Variants in MSRB3 observed in about 807,000 individuals in gnomAD.
MSRB3 encodes methionine sulfoxide reductase B3.
A neutral mutation model predicts 21.0 loss-of-function variants in MSRB3; 13 were observed. That is an observed-to-expected ratio of 0.62 (90% CI 0.40 to 0.98). The LOEUF is 0.98. MSRB3 is among the 50% of genes least tolerant of loss of function. The probability of loss-of-function intolerance (pLI) is 0.00; values close to 1 mark genes in which losing one functional copy is unlikely to be tolerated. For missense variants in MSRB3, 199 were observed against 230.3 expected, an observed-to-expected ratio of 0.86 and a Z score of 0.88; for synonymous variants, 87 against 88.6, an observed-to-expected ratio of 0.98 and a Z score of 0.10.
chr12:65,456,907 G>T (rs1488589633), intron 6 of MSRB3, among the ~76,000 whole-genome samples: 3 of 152,076 alleles, frequency 2.0e-5, no homozygotes, highest in Non-Finnish European at 4.4e-5. Flanking sequence ...AATTCAAGTG[G>T]ACTGGGTATC....
chr12:65,420,554 G>A (rs1462727079), intron 5 of MSRB3, among the ~76,000 whole-genome samples: 1 of 152,058 alleles, frequency 6.6e-6, no homozygotes. Context: ...GGGGCTTGCT[G>A]TACAGAGTAT....
At chr12:65,337,492 A>C (rs1459768193) in intron 4 of MSRB3, among the ~76,000 whole-genome samples, 1 of 151,092 alleles carries the variant, frequency 6.6e-6, no homozygotes, top group African/African-American at 2.4e-5. Flanking sequence ...ACCATAGTCA[A>C]GTTATTTTAA....
intron 5 of MSRB3, chr12:65,418,827 C>A: frequency 1.1e-6 from 1 of 903,588 alleles, no homozygotes; most frequent in African/African-American, 1.6e-5. Context: ...TACTGCTGTC[C>A]AAGGCATCAC....
At chr12:65,409,378 T>C (rs139288822) in intron 5 of MSRB3, among the ~76,000 whole-genome samples, 2 of 152,232 alleles carry the variant, frequency 1.3e-5, no homozygotes, top group East Asian at 1.9e-4. Flanking sequence ...GCTACAAATC[T>C]GTATACCATA....
intron 5 of MSRB3, among the ~76,000 whole-genome samples, chr12:65,374,606 T>G (rs1192965823): frequency 6.6e-6 from 1 of 152,238 alleles, no homozygotes; most frequent in Admixed American, 6.5e-5. Flanking sequence ...GATATCATGC[T>G]GTTTTCCACA....
intron 2 of MSRB3, among the ~76,000 whole-genome samples, chr12:65,319,117 A>G (rs1874499858): frequency 6.6e-6 from 1 of 152,110 alleles, no homozygotes; most frequent in Non-Finnish European, 1.5e-5. Flanking sequence ...TGAAAAATAC[A>G]TTTACTCCCC....
intron 5 of MSRB3, among the ~76,000 whole-genome samples, chr12:65,443,968 A>C (rs375955810): frequency 6.6e-6 from 1 of 152,162 alleles, no homozygotes; most frequent in African/African-American, 2.4e-5. Flanking sequence ...ATATATTGTA[A>C]ATATAATGTA....
chr12:65,347,889 A>G (rs919213949), intron 4 of MSRB3, among the ~76,000 whole-genome samples: 1 of 152,164 alleles, frequency 6.6e-6, no homozygotes, highest in Non-Finnish European at 1.5e-5. Flanking sequence ...GATTACGTTT[A>G]CTGATTTGCG....
intron 4 of MSRB3, among the ~76,000 whole-genome samples, chr12:65,329,703 A>AG (rs1381921350): frequency 6.6e-6 from 1 of 152,008 alleles, no homozygotes; most frequent in Non-Finnish European, 1.5e-5. Flanking sequence ...AGAGTTTCTT[A>AG]GGGGAAATAA....
chr12:65,432,270 C>T (rs971071203), intron 5 of MSRB3, among the ~76,000 whole-genome samples: 4 of 152,084 alleles, frequency 2.6e-5, no homozygotes, highest in Middle Eastern at 6.8e-3. Flanking sequence ...ATGTAGCACA[C>T]ATTATCATTA....
intron 2 of MSRB3, among the ~76,000 whole-genome samples, chr12:65,315,045 A>G (rs1822415204): frequency 6.6e-6 from 1 of 152,212 alleles, no homozygotes; most frequent in Non-Finnish European, 1.5e-5. Context: ...TCACAGATTC[A>G]GTAATATTGT....
chr12:65,308,256 C>T (rs1873774121), intron 1 of MSRB3, among the ~76,000 whole-genome samples: 1 of 152,182 alleles, frequency 6.6e-6, no homozygotes. Flanking sequence ...TTCCTTTCAA[C>T]TGTTTTTAAA....
intron 4 of MSRB3, among the ~76,000 whole-genome samples, chr12:65,346,869 C>G (rs1876549473): frequency 6.6e-6 from 1 of 152,032 alleles, no homozygotes. Flanking sequence ...TTGTTTTTGT[C>G]AGGTTTGTCA....
chr12:65,414,668 C>A (rs1880883851), intron 5 of MSRB3, among the ~76,000 whole-genome samples: 1 of 152,154 alleles, frequency 6.6e-6, no homozygotes, highest in Non-Finnish European at 1.5e-5. Context: ...TCTCAGAACA[C>A]ATCCCCATCC....
intron 5 of MSRB3, among the ~76,000 whole-genome samples, chr12:65,411,654 T>C (rs1880721867): frequency 1.3e-5 from 2 of 151,744 alleles, no homozygotes; most frequent in Admixed American, 1.3e-4. Context: ...CATTGGTTAT[T>C]GATGAAATAG....
chr12:65,376,297 T>C (rs1288457504), intron 5 of MSRB3, among the ~76,000 whole-genome samples: 1 of 152,088 alleles, frequency 6.6e-6, no homozygotes, highest in African/African-American at 2.4e-5. Flanking sequence ...TTTTTTGTAT[T>C]TTTAGTAGAG....
chr12:65,325,581 C>T (rs548307341), intron 2 of MSRB3, among the ~76,000 whole-genome samples: 2 of 152,180 alleles, frequency 1.3e-5, no homozygotes, highest in Admixed American at 6.5e-5. Flanking sequence ...ACAATATTTT[C>T]CTAGTTTAAG....
chr12:65,427,902 A>AGCTCCAGTGTCTGAAAT (rs987823239), intron 5 of MSRB3, among the ~76,000 whole-genome samples: 1 of 152,184 alleles, frequency 6.6e-6, no homozygotes, highest in African/African-American at 2.4e-5. Context: ...CTTGCTAGTA[A>AGCTCCAGTGTCTGAAAT]GCTCCAGTGT....
chr12:65,361,554 C>A (rs1877707607), intron 4 of MSRB3, among the ~76,000 whole-genome samples: 1 of 152,118 alleles, frequency 6.6e-6, no homozygotes, highest in Non-Finnish European at 1.5e-5. Context: ...ATACCTTTTG[C>A]TCTTTTAGTT....
Sources: allele counts gnomAD v4.1 joint callset (sites outside exome capture counted in the v4.1 genomes callset), GRCh38; gene constraint gnomAD v4.1.1; transcripts MANE v1.5; gene names NCBI Gene and HGNC (gene_info 2026-07-23, HGNC 2026-07-21).